Variants in TYMS observed in about 807,000 individuals in gnomAD.
TYMS encodes thymidylate synthetase.
A neutral mutation model predicts 39.3 loss-of-function variants in TYMS; 21 were observed. The observed-to-expected ratio is 0.54, with a 90% CI of 0.38 to 0.77. The LOEUF (loss-of-function observed/expected upper bound fraction) is 0.77, where lower values mean the gene tolerates loss of function less well. Ranked by LOEUF, TYMS falls within the 30% of genes least tolerant of loss-of-function variation. The probability of loss-of-function intolerance (pLI) is 0.00; values close to 1 mark genes in which losing one functional copy is unlikely to be tolerated. For synonymous variants in TYMS, 171 were observed against 162.2 expected, an observed-to-expected ratio of 1.05 and a Z score of -0.41; for missense variants, 273 against 406.7, an observed-to-expected ratio of 0.67 and a Z score of 2.83.
chr18:664,384 C>T (rs1043925733), intron 3 of TYMS, among the ~76,000 whole-genome samples: 3 of 147,016 alleles, frequency 2.0e-5, no homozygotes, highest in African/African-American at 7.8e-5. Context: ...TGAGACTTTG[C>T]TGAAGTTGCT....
intron 3 of TYMS, chr18:667,597 ATGGTGATGGT>A (rs2074881615): frequency 9.6e-6 from 1 of 103,960 alleles, no homozygotes; most frequent in Admixed American, 8.7e-5. Context: ...GGTGATGGTG[ATGGTGATGGT>A]GATGGAGATG....
At chr18:664,308 GCTCT>G (rs2074785651) in intron 3 of TYMS, among the ~76,000 whole-genome samples, 1 of 150,216 alleles carries the variant, frequency 6.7e-6, no homozygotes, top group Admixed American at 6.6e-5. Context: ...TCATGATTTG[GCTCT>G]CTGTTTGTCT....
At chr18:672,637 CTGTGTAA>C (rs1289342089) in intron 6 of TYMS, 5 of 379,848 alleles carry the variant, frequency 1.3e-5, no homozygotes, top group Non-Finnish European at 2.4e-5. Flanking sequence ...GCTCCTGATG[CTGTGTAA>C]TGTCACAAAA....
intron 3 of TYMS, among the ~76,000 whole-genome samples, chr18:665,092 G>C (rs2074796000): frequency 6.6e-6 from 1 of 151,990 alleles, no homozygotes; most frequent in African/African-American, 2.4e-5. Flanking sequence ...CAGAAGGAAT[G>C]GTACCAGTTC....
At chr18:669,366 A>ATTTTTTTTTTTTTTTTTTTTT (rs68090938) in intron 4 of TYMS, 193 bp downstream of exon 4, 1 of 182,354 alleles carries the variant, frequency 5.5e-6, no homozygotes. Flanking sequence ...GGCCCAGAGG[A>ATTTTTTTTTTTTTTTTTTTTT]TTTTTTTTTT....
intron 3 of TYMS, among the ~76,000 whole-genome samples, chr18:666,473 C>T (rs940084095): frequency 1.3e-5 from 2 of 152,168 alleles, no homozygotes; most frequent in Non-Finnish European, 2.9e-5. Context: ...TCACCTCTTA[C>T]TGGATGTCAC....
chr18:669,634 C>A (rs1009232504), intron 4 of TYMS, among the ~76,000 whole-genome samples: 1 of 151,926 alleles, frequency 6.6e-6, no homozygotes, highest in African/African-American at 2.4e-5. Flanking sequence ...AGCCTCCCAA[C>A]CAGATGATCT....
chr18:672,683 A>AAC (rs1486237717), intron 6 of TYMS, 177 bp from the exon 7 acceptor site: 2 of 572,852 alleles, frequency 3.5e-6, no homozygotes, highest in Non-Finnish European at 5.9e-6. Context: ...TGTGCAAGAG[A>AAC]ACAGCTGGTT....
intron 3 of TYMS, among the ~76,000 whole-genome samples, chr18:667,077 AGATGGTGATGGT>A (rs1253862846): frequency 2.5e-5 from 1 of 40,750 alleles, no homozygotes; most frequent in Non-Finnish European, 4.0e-5. Context: ...ATGGTGATGG[AGATGGTGATGGT>A]GATGGAGATG....
intron 1 of TYMS, among the ~76,000 whole-genome samples, chr18:659,279 C>A (rs1598462507): frequency 1.3e-5 from 2 of 151,854 alleles, no homozygotes; most frequent in African/African-American, 4.8e-5. Flanking sequence ...CCTTTTTGTT[C>A]CTGGGACACA....
In TYMS at chr18:658,348, C is replaced by T. The variant is rs1479926369; in HGVS notation, c.205+401C>T. 1.5e-6 allele frequency: 2 copies of T among 1,321,898 alleles called. No homozygotes were observed. Among genetic ancestry groups the T allele is most frequent in the Non-Finnish European group, 2.0e-6 (2 of 1,008,612 alleles). The allele number at this position is 1,321,898 out of a possible 1,614,324, so 81.9% of individuals were successfully genotyped here. On this transcript the variant is annotated intron_variant, in intron 1 of 6. Transcript: ENST00000323274. This position sits in a 1 kb window ranked among gnomAD's most constrained non-coding sequence, Gnocchi z 4.5. ...GGCTTTGGCCCCTCCTCCGTTTTCC[C>T]CTGTGGACCATTCCGCTTCGCAGCG...
rs1298486936 is a variant in TYMS at position 670,984 on chromosome 18, TGTAA to T, written c.732+123_732+126del. ...CTGATTAGCTTTTAAATTTGATATG[TGTAA>T]GTAAGAAATGAACCAGCTTTTACTT... On this transcript the variant is annotated intron_variant, in intron 5 of 6. Coordinates refer to ENST00000323274, the MANE Select transcript of TYMS (RefSeq NM_001071.4). 2.0e-5 allele frequency: 25 copies of T among 1,278,846 alleles called. No homozygotes were observed. The Middle Eastern group carries it at 8.2e-4, about 42-fold the overall frequency. 79.2% of individuals were successfully genotyped at this position (1,278,846 alleles called of 1,614,324 possible).
intron 3 of TYMS, among the ~76,000 whole-genome samples, chr18:667,239 A>AGATGGTGATGGTGATGGT (rs1264608229): frequency 1.5e-4 from 2 of 13,450 alleles, no homozygotes; most frequent in Non-Finnish European, 2.4e-4. Flanking sequence ...ATGGAGATGG[A>AGATGGTGATGGTGATGGT]GATGGTGATG....
chr18:671,331 A>G (rs1451654742), intron 5 of TYMS, 49 bp from the exon 6 acceptor site: 2 of 1,205,504 alleles, frequency 1.7e-6, no homozygotes, highest in African/African-American at 3.0e-5. Flanking sequence ...ATGATGTTTT[A>G]AAGAATTGAA....
At chr18:666,911 ATGGTGATGGAGATGGTGATGGT>A (rs2074830422) in intron 3 of TYMS, among the ~76,000 whole-genome samples, 2 of 65,342 alleles carry the variant, frequency 3.1e-5, no homozygotes, top group Admixed American at 2.3e-4. Flanking sequence ...GGAGATGGTG[ATGGTGATGGAGATGGTGATGGT>A]GATGGAGATG....
intron 3 of TYMS, among the ~76,000 whole-genome samples, chr18:662,822 C>T (rs1395749881): frequency 1.3e-5 from 2 of 150,146 alleles, no homozygotes; most frequent in South Asian, 2.1e-4. Flanking sequence ...ATTTCATCCA[C>T]GTCCCTACAA....
At chr18:668,872 A>G (rs1026121788) in intron 3 of TYMS, among the ~76,000 whole-genome samples, 200 bp from the exon 4 acceptor site, 7 of 152,144 alleles carry the variant, frequency 4.6e-5, no homozygotes, top group Admixed American at 2.6e-4. Flanking sequence ...AGGGCTCCAG[A>G]GGACAGAGCC....
intron 2 of TYMS, 130 bp downstream of exon 2, chr18:659,844 G>C (rs2074738583): frequency 1.2e-6 from 1 of 800,636 alleles, no homozygotes; most frequent in Non-Finnish European, 2.1e-6. Context: ...GGGAGGCTGA[G>C]TCAGATCACC....
At chr18:671,227 A>T (rs2075032593) in intron 5 of TYMS, 153 bp from the exon 6 acceptor site, 1 of 655,192 alleles carries the variant, frequency 1.5e-6, no homozygotes, top group Admixed American at 2.5e-5. Context: ...GGGCAACATA[A>T]CAAGATGCTG....
Sources: allele counts gnomAD v4.1 joint callset (sites outside exome capture counted in the v4.1 genomes callset), GRCh38; gene constraint gnomAD v4.1.1; non-coding constraint Gnocchi (gnomAD v3.1); transcripts MANE v1.5; gene names NCBI Gene and HGNC (gene_info 2026-07-23, HGNC 2026-07-21).